SEMA3C: variants seen among roughly 807,000 people sequenced by gnomAD.
The protein encoded by SEMA3C is semaphorin 3C, also known as semaphorin-3C.
In SEMA3C, 47 loss-of-function variants were observed where a neutral mutation model predicts 89.4. The observed-to-expected ratio is 0.53, with a 90% confidence interval of 0.42 to 0.67. The LOEUF is 0.67. Ranked by LOEUF, SEMA3C falls within the 30% of genes least tolerant of loss-of-function variation. The pLI is 0.00. For missense variants in SEMA3C, 839 were observed against 929.1 expected (o/e 0.90, Z 1.26); for synonymous variants, 310 against 320.2 (o/e 0.97, Z 0.34).
chr7:80,774,163 A>G (rs1788495016), intron 12 of SEMA3C, among the ~76,000 whole-genome samples: 1 of 152,232 alleles, frequency 6.6e-6, no homozygotes, highest in South Asian at 2.1e-4. Context: ...TCAAACAAAG[A>G]GTAGTACAAG....
At chr7:80,872,858 T>C (rs562163615) in intron 2 of SEMA3C, among the ~76,000 whole-genome samples, 57 of 139,968 alleles carry the variant, frequency 4.1e-4, no homozygotes, top group Non-Finnish European at 7.8e-4. Flanking sequence ...GTGTTCAGTA[T>C]ATTGCAATTT....
chr7:80,878,920 A>G (rs868212202), intron 2 of SEMA3C, among the ~76,000 whole-genome samples: 2 of 152,178 alleles, frequency 1.3e-5, no homozygotes, highest in African/African-American at 4.8e-5. Flanking sequence ...ATGTGAAAGA[A>G]TACTGTAATT....
intron 12 of SEMA3C, among the ~76,000 whole-genome samples, chr7:80,771,785 C>T (rs1052602710): frequency 6.6e-6 from 1 of 152,128 alleles, no homozygotes; most frequent in Admixed American, 6.6e-5. Flanking sequence ...TGAGATCTGG[C>T]CAGTCCCTTC....
At chr7:80,919,992 A>G (rs1410525689), upstream of SEMA3C, among the ~76,000 whole-genome samples, 1 of 152,094 alleles carries the variant, frequency 6.6e-6, no homozygotes, top group African/African-American at 2.4e-5. Flanking sequence ...TGACCCCTCC[A>G]CGTTGACTCA....
chr7:80,858,522 T>G (rs1790695661), intron 2 of SEMA3C, among the ~76,000 whole-genome samples: 1 of 152,186 alleles, frequency 6.6e-6, no homozygotes, highest in Non-Finnish European at 1.5e-5. Context: ...GGTTGTAAAT[T>G]TGTAAAACCA....
intron 5 of SEMA3C, among the ~76,000 whole-genome samples, chr7:80,816,997 T>G (rs192375256): frequency 2.6e-5 from 4 of 152,328 alleles, no homozygotes; most frequent in African/African-American, 9.6e-5. Context: ...GGGAAGTGTC[T>G]GACAGATTGC....
chr7:80,744,894 TTA>T lies in SEMA3C; in HGVS notation c.2254_2255del (p.Ter752IlefsTer22). The T allele has an allele frequency of 7.4e-6, 12 of 1,613,950 alleles. No homozygotes were observed. The highest frequency in any genetic ancestry group is 1.0e-5 in the Non-Finnish European group (12 of 1,179,890). ...AGCATAAGACCCACATAAGAAAATA[TTA>T]TGACTCTGGCAACTGATTCCTCCTG... is the stretch of plus-strand genomic sequence containing the variant. ...RNRRNQLPES[*>X] On this transcript the variant is annotated frameshift_variant and stop_lost, in exon 18 of 18. Coordinates refer to ENST00000265361, the MANE Select transcript of SEMA3C (RefSeq NM_006379.5). LOFTEE classifies it high-confidence loss of function.
intron 4 of SEMA3C, 67 bp downstream of exon 4, chr7:80,827,358 T>C: frequency 1.4e-6 from 2 of 1,437,100 alleles, no homozygotes; most frequent in Non-Finnish European, 1.8e-6. Flanking sequence ...TCCCTCAAAG[T>C]ACATGGATTC....
At chr7:80,785,036 T>G (rs912625805) in intron 12 of SEMA3C, among the ~76,000 whole-genome samples, 5 of 152,134 alleles carry the variant, frequency 3.3e-5, no homozygotes, top group Non-Finnish European at 7.3e-5. Context: ...TCCCTCCATT[T>G]TTTCCTTTTC....
chr7:80,760,666 T>G (rs1047233780), intron 14 of SEMA3C, among the ~76,000 whole-genome samples: 2 of 152,200 alleles, frequency 1.3e-5, no homozygotes, highest in Non-Finnish European at 2.9e-5. Flanking sequence ...TGCTAACACA[T>G]AAAACCTTTA....
At chr7:80,918,636 C>T (rs914910768) in intron 1 of SEMA3C, among the ~76,000 whole-genome samples, 192 bp downstream of exon 1, 1 of 152,110 alleles carries the variant, frequency 6.6e-6, no homozygotes, top group African/African-American at 2.4e-5. Flanking sequence ...TGAAACTCTC[C>T]GCAGGTGTCA....
intron 9 of SEMA3C, 46 bp from the exon 10 acceptor site, chr7:80,800,872 C>A: frequency 7.7e-7 from 1 of 1,296,838 alleles, no homozygotes. Flanking sequence ...ATATTAACTT[C>A]TTTGTTTTGA....
intron 2 of SEMA3C, among the ~76,000 whole-genome samples, chr7:80,897,728 T>C (rs1167427401): frequency 2.0e-5 from 3 of 152,200 alleles, no homozygotes; most frequent in Non-Finnish European, 4.4e-5. Context: ...TAAATAGAAA[T>C]TCAGAAGGCT....
At chr7:80,790,234 T>C (rs972658636) in intron 11 of SEMA3C, among the ~76,000 whole-genome samples, 5 of 151,722 alleles carry the variant, frequency 3.3e-5, no homozygotes, top group Admixed American at 2.0e-4. Flanking sequence ...CTGTGAACTG[T>C]GATGAAACCA....
intron 13 of SEMA3C, among the ~76,000 whole-genome samples, chr7:80,763,228 T>C (rs1253403533): frequency 1.3e-5 from 2 of 152,202 alleles, no homozygotes; most frequent in Non-Finnish European, 2.9e-5. Context: ...TCACATTGAA[T>C]TTTCTGCAGT....
intron 2 of SEMA3C, among the ~76,000 whole-genome samples, chr7:80,864,006 C>T (rs774810964): frequency 1.3e-5 from 2 of 150,618 alleles, no homozygotes; most frequent in Non-Finnish European, 3.0e-5. Context: ...ACATATATAT[C>T]GCATGTATAT....
Position 80,828,646 on chromosome 7 carries a change from A to C in SEMA3C, c.203T>G (p.Val68Gly). ...LMDEDQDRIY[V>G]GSKDHILSLN... The stretch of plus-strand genomic sequence containing the variant: ...GGAAAGAATGTGATCTTTGCTTCCC[A>C]CATATATCCGGTCCTGATCTTCATC... The change falls in exon 3 of 18, where the codon GTG becomes GGG. Residue 68 changes from valine (V) to glycine (G), a missense_variant. Coordinates refer to ENST00000265361, the MANE Select transcript of SEMA3C (RefSeq NM_006379.5). 1 of 1,612,132 alleles carries C rather than the reference A, an allele frequency of 6.2e-7. No homozygotes were observed. The highest frequency in any genetic ancestry group is 8.5e-7 in the Non-Finnish European group (1 of 1,178,626).
chr7:80,751,356 TA>T lies in SEMA3C; in HGVS notation c.1644-21del. 11 of 1,607,158 alleles carry T rather than the reference TA, an allele frequency of 6.8e-6. No homozygotes were observed. The highest frequency in any genetic ancestry group is 9.4e-6 in the Non-Finnish European group (11 of 1,173,754). On this transcript the variant is annotated intron_variant, in intron 15 of 17. Transcript: ENST00000265361. ...CTCCTCCTGCAAGTGCAGAAATACA[TA>T]AAAGTGACTGAGAATTATCACTGCC...
chr7:80,748,797 T>C (rs1787856366), intron 17 of SEMA3C, 101 bp downstream of exon 17: 1 of 1,176,398 alleles, frequency 8.5e-7, no homozygotes, highest in Non-Finnish European at 1.2e-6. Flanking sequence ...AAGATGATCA[T>C]ATGCCTTTCC....
Sources: gnomAD v4.1 joint callset for allele counts (sites outside exome capture counted in the v4.1 genomes callset) on GRCh38, gnomAD v4.1.1 for gene constraint, MANE v1.5 for transcripts, NCBI Gene and HGNC (gene_info 2026-07-23, HGNC 2026-07-21) for gene names.